Variants in ZNF469 observed in about 807,000 individuals in gnomAD.
ZNF469 encodes the protein zinc finger protein 469.
Under a neutral mutation model 1.0 loss-of-function variants are expected in ZNF469, and 1 was observed. That is an observed-to-expected ratio of 1.00 (90% CI 0.35 to 4.73). The LOEUF (loss-of-function observed/expected upper bound fraction) is 4.73, where lower values mean the gene tolerates loss of function less well. Ranked by LOEUF, ZNF469 falls within the 30% of genes most tolerant of loss-of-function variation. The pLI is 0.16. For missense variants in ZNF469, 6,100 were observed against 5,356.3 expected, an observed-to-expected ratio of 1.14 and a Z score of -4.33; for synonymous variants, 2,703 against 2,363.4, an observed-to-expected ratio of 1.14 and a Z score of -4.17.
chr16:88,270,034 T>C, the ZNF469 span, among the ~76,000 whole-genome samples: 1 of 152,172 alleles, frequency 6.6e-6, no homozygotes, highest in African/African-American at 2.4e-5. Context: ...CAGCACTGCC[T>C]CCTGTAGACG....
the ZNF469 span, among the ~76,000 whole-genome samples, chr16:88,303,771 C>T: frequency 6.6e-6 from 1 of 152,320 alleles, no homozygotes; most frequent in Admixed American, 6.5e-5. Flanking sequence ...AACCTGCCTG[C>T]TAAGGGGTGG....
the ZNF469 span, among the ~76,000 whole-genome samples, chr16:88,342,945 A>G: frequency 6.6e-6 from 1 of 152,200 alleles, no homozygotes; most frequent in Non-Finnish European, 1.5e-5. Context: ...CAGGGGCAGC[A>G]AGGCTGGGCT....
the ZNF469 span, among the ~76,000 whole-genome samples, chr16:88,296,961 C>G: frequency 6.6e-6 from 1 of 152,200 alleles, no homozygotes; most frequent in African/African-American, 2.4e-5. Context: ...GGATCAGAAG[C>G]CACACAGACT....
chr16:88,431,705 G>T lies in ZNF469; in HGVS notation c.4235G>T (p.Ser1412Ile), dbSNP rs576089886. ...GCCAGGGATGCCCCGCCGGCCAGCA[G>T]CTCCTGCCTTTGCCAGGACGGCGAG... ...PSARDAPPAS[S>I]SCLCQDGEDA... Residue 1412 changes from serine (S) to isoleucine (I), a missense_variant, in exon 3 of 3, where the codon AGC becomes ATC. Physicochemically the swap from Ser to Ile is moderately radical, Grantham distance 142. Transcript: ENST00000565624. 4 of 1,550,248 alleles carry T rather than the reference G, an allele frequency of 2.6e-6. No individual in the cohort carries two copies. The highest frequency in any genetic ancestry group is 2.0e-5 in the Admixed American group (1 of 50,990).
the ZNF469 span, among the ~76,000 whole-genome samples, chr16:88,202,293 C>G: frequency 6.6e-6 from 1 of 152,332 alleles, no homozygotes; most frequent in East Asian, 1.9e-4. Flanking sequence ...AGTGGCTGAA[C>G]ACAGCCCAGG....
In ZNF469 at chr16:88,439,692, A is replaced by C. The variant is rs1597215993; in HGVS notation, c.*360A>C. ...AAGCCAATGTTTGGAGATTTGCACAACCTCCCGTTCCCCCACATGGAGAAG... is the reference window on the plus strand; with the variant it reads ...AAGCCAATGTTTGGAGATTTGCACACCCTCCCGTTCCCCCACATGGAGAAG... On this transcript the variant is annotated 3_prime_UTR_variant, in exon 3 of 3. Transcript: ENST00000565624. 1 of 299,208 alleles carries C rather than the reference A, an allele frequency of 3.3e-6. No individual in the cohort carries two copies. The highest frequency in any genetic ancestry group is 6.3e-6 in the Non-Finnish European group (1 of 157,616). 18.5% of individuals were successfully genotyped at this position (299,208 alleles called of 1,614,324 possible). A position where few individuals can be genotyped will look rare whatever the true frequency, so the allele number is the denominator to read the frequency against.
the ZNF469 span, among the ~76,000 whole-genome samples, chr16:88,289,668 C>T: frequency 5.3e-5 from 8 of 152,136 alleles, no homozygotes; most frequent in Admixed American, 1.3e-4. Context: ...GAGCTGGGAT[C>T]GTTCCCAAGG....
chr16:88,435,448 C>T lies in ZNF469; in HGVS notation c.7978C>T (p.Arg2660Cys), dbSNP rs977553131. Residue 2660 changes from arginine (R) to cysteine (C), a missense_variant, in exon 3 of 3, where the codon CGC (arginine) becomes TGC (cysteine). Coordinates refer to ENST00000565624, the MANE Select transcript of ZNF469 (RefSeq NM_001367624.2). ...PVSADVISDG[R>C]GSRPSPAMAS... ...CTCTGCTGATGTGATTTCAGATGGG[C>T]GCGGCTCCAGACCATCCCCTGCAAT... 4.5e-6 allele frequency: 7 copies of T among 1,549,914 alleles called. No individual in the cohort carries two copies. The East Asian group carries it at 7.3e-5, about 16-fold the overall frequency.
chr16:88,154,297 A>G, the ZNF469 span, among the ~76,000 whole-genome samples: 6 of 152,210 alleles, frequency 3.9e-5, no homozygotes, highest in Non-Finnish European at 7.3e-5. Context: ...AGCTGGAATT[A>G]CAGGCATGCG....
At chr16:88,258,699 T>C in the ZNF469 span, among the ~76,000 whole-genome samples, 1 of 152,232 alleles carries the variant, frequency 6.6e-6, no homozygotes, top group South Asian at 2.1e-4. Flanking sequence ...TGGTGGTCCT[T>C]GTGGTTCTGA....
At chr16:88,400,766 G>A (rs1599350197) in intron 1 of ZNF469, among the ~76,000 whole-genome samples, 3 of 152,210 alleles carry the variant, frequency 2.0e-5, no homozygotes, top group Admixed American at 1.3e-4. Flanking sequence ...CTATCTCTGG[G>A]CAGGTCACCT....
chr16:88,422,756 ATGGATGGATGGATGGATGGATGGT>A (rs1905523237), intron 1 of ZNF469, among the ~76,000 whole-genome samples: 1 of 7,542 alleles, frequency 1.3e-4, no homozygotes, highest in African/African-American at 1.9e-4. Context: ...GAATGGATGG[ATGGATGGATGGATGGATGGATGGT>A]TGGATGGATG....
the ZNF469 span, among the ~76,000 whole-genome samples, chr16:88,133,927 C>T: frequency 2.0e-5 from 3 of 152,184 alleles, no homozygotes; most frequent in Non-Finnish European, 2.9e-5. Flanking sequence ...AACCCTGTCT[C>T]TACTAAAAAT....
At chr16:88,269,720 C>A in the ZNF469 span, among the ~76,000 whole-genome samples, 1 of 152,122 alleles carries the variant, frequency 6.6e-6, no homozygotes, top group Admixed American at 6.5e-5. Flanking sequence ...GACCAATCCC[C>A]CCAGCACACA....
chr16:88,349,477 A>C, the ZNF469 span, among the ~76,000 whole-genome samples: 1 of 149,648 alleles, frequency 6.7e-6, no homozygotes, highest in East Asian at 2.0e-4. Flanking sequence ...CACCCGGCAC[A>C]ATACACACCA....
At chr16:88,313,511 G>T in the ZNF469 span, among the ~76,000 whole-genome samples, 2 of 152,134 alleles carry the variant, frequency 1.3e-5, no homozygotes, top group African/African-American at 4.8e-5. Flanking sequence ...TTAAGACGAT[G>T]CTGGTGTGGG....
chr16:88,304,306 A>T, the ZNF469 span, among the ~76,000 whole-genome samples: 2 of 152,156 alleles, frequency 1.3e-5, no homozygotes, highest in African/African-American at 4.8e-5. Context: ...GAATGCACAC[A>T]CGTCCCCATC....
chr16:88,391,331 GGGACAGAGCCA>G (rs1184527482), intron 1 of ZNF469, among the ~76,000 whole-genome samples: 2 of 152,280 alleles, frequency 1.3e-5, no homozygotes, highest in African/African-American at 4.8e-5. Flanking sequence ...CTTGGCAGAA[GGGACAGAGCCA>G]GGACAGTTGC....
At chr16:88,206,312 G>A in the ZNF469 span, among the ~76,000 whole-genome samples, 5 of 152,214 alleles carry the variant, frequency 3.3e-5, no homozygotes, top group Non-Finnish European at 7.3e-5. Context: ...CCACTGGCTG[G>A]ACAGACTGGA....
Sources: allele counts gnomAD v4.1 joint callset (sites outside exome capture counted in the v4.1 genomes callset), GRCh38; gene constraint gnomAD v4.1.1; transcripts MANE v1.5; gene names NCBI Gene and HGNC (gene_info 2026-07-23, HGNC 2026-07-21).